Variants in NEDD9 observed in about 807,000 individuals in gnomAD.
The protein encoded by NEDD9 is neural precursor cell expressed, developmentally down-regulated 9, also known as enhancer of filamentation 1.
In NEDD9, 26 loss-of-function variants were observed where a neutral mutation model predicts 76.6. That is an observed-to-expected ratio of 0.34 (90% CI 0.25 to 0.47). The LOEUF (loss-of-function observed/expected upper bound fraction) is 0.47, where lower values mean the gene tolerates loss of function less well. NEDD9 is among the 20% of genes least tolerant of loss of function. The pLI is 1.00. For missense variants in NEDD9, 937 were observed against 1,058.5 expected (o/e 0.89, Z 1.59); for synonymous variants, 392 against 414.2 (o/e 0.95, Z 0.65).
chr6:11,244,193 A>G (rs767478491), intron 3 of NEDD9, among the ~76,000 whole-genome samples: 8 of 152,022 alleles, frequency 5.3e-5, no homozygotes, highest in Non-Finnish European at 1.0e-4. Context: ...CTGTGGGTCT[A>G]CCCTGCAGAT....
rs543228674 is a variant in NEDD9, at chr6:11,318,283, G to A, written c.-152-12128C>T. 2.6e-5 allele frequency among the ~76,000 whole-genome samples: 4 copies of A among 152,160 alleles called. No homozygotes were observed. In the East Asian group the frequency reaches 7.7e-4, roughly 29 times the overall value. On this transcript the variant is annotated intron_variant, in intron 2 of 3. Transcript: ENST00000397378. ...GAAATCACTTTCTAAATATATATGT[G>A]TATCTTATTGGTTCTGAGAACCCTG... is the stretch of plus-strand genomic sequence containing the variant.
At chr6:11,258,131 G>T (rs914049494) in intron 3 of NEDD9, among the ~76,000 whole-genome samples, 1 of 152,186 alleles carries the variant, frequency 6.6e-6, no homozygotes, top group Non-Finnish European at 1.5e-5. Context: ...CAAACAGAAG[G>T]TAGAGAAACT....
intron 1 of NEDD9, among the ~76,000 whole-genome samples, chr6:11,351,501 G>A (rs753179307): frequency 1.3e-5 from 2 of 152,162 alleles, no homozygotes; most frequent in African/African-American, 2.4e-5. Flanking sequence ...CTCTGAGGCC[G>A]GTCATCAGTC....
intron 2 of NEDD9, among the ~76,000 whole-genome samples, chr6:11,315,241 C>G (rs769312394): frequency 4.6e-5 from 7 of 152,206 alleles, no homozygotes; most frequent in Admixed American, 2.0e-4. Context: ...TGAGGGAGTC[C>G]TTCTACCACG....
chr6:11,374,637 G>A (rs1253751410), intron 1 of NEDD9, among the ~76,000 whole-genome samples: 1 of 152,162 alleles, frequency 6.6e-6, no homozygotes, highest in Non-Finnish European at 1.5e-5. Flanking sequence ...AGAAAAAGGT[G>A]AATATAAAAA....
chr6:11,297,906 C>CTT (rs1760938273), intron 3 of NEDD9, among the ~76,000 whole-genome samples: 2 of 111,488 alleles, frequency 1.8e-5, no homozygotes, highest in African/African-American at 4.0e-5. Flanking sequence ...ATTTTTTTTT[C>CTT]TTTTCTTTTT....
chr6:11,222,743 C>T (rs571063406), intron 1 of NEDD9, among the ~76,000 whole-genome samples: 4 of 152,328 alleles, frequency 2.6e-5, no homozygotes, highest in South Asian at 2.1e-4. Context: ...TGAAACTCTG[C>T]GCTTCTTAGT....
rs77504645 is a variant in NEDD9, at chr6:11,218,006, G to A, written c.13-4279C>T. Among the ~76,000 whole-genome samples, 1,238 of 152,258 alleles carry A rather than the reference G, an allele frequency of 8.1e-3. 18 individuals carry two copies. Among genetic ancestry groups the A allele is most frequent in the African/African-American group, 0.028 (1,160 of 41,544 alleles). ...TTTTTCCCATCCCTAAAGTGATCATGTTCCAAAGAGATTTGTCCTTTGCAC... is the reference window on the plus strand; with the variant it reads ...TTTTTCCCATCCCTAAAGTGATCATATTCCAAAGAGATTTGTCCTTTGCAC... On this transcript the variant is annotated intron_variant, in intron 1 of 6. Coordinates refer to ENST00000379446, the MANE Select transcript of NEDD9 (RefSeq NM_006403.4).
At chr6:11,211,190 G>A (rs1423492100) in intron 2 of NEDD9, among the ~76,000 whole-genome samples, 2 of 152,188 alleles carry the variant, frequency 1.3e-5, no homozygotes, top group Non-Finnish European at 2.9e-5. Context: ...GTGAGTGCCC[G>A]AGGGTCACCC....
At chr6:11,340,919 C>T (rs1199342109) in intron 1 of NEDD9, among the ~76,000 whole-genome samples, 1 of 152,188 alleles carries the variant, frequency 6.6e-6, no homozygotes, top group Non-Finnish European at 1.5e-5. Context: ...TTCCCACCAC[C>T]ATGCCTCTCT....
rs932151080 is a variant in NEDD9, at chr6:11,370,192, G to A, written c.-214+11947C>T. Among the ~76,000 whole-genome samples, 3 of 152,088 alleles carry A rather than the reference G, an allele frequency of 2.0e-5. No individual in the cohort carries two copies. The highest frequency in any genetic ancestry group is 2.0e-4 in the Admixed American group (3 of 15,266). On this transcript the variant is annotated intron_variant, in intron 1 of 3. Coordinates refer to the NEDD9 transcript ENST00000397378. The surrounding 1 kb of genome is among the most constrained non-coding windows in gnomAD (Gnocchi z 4.2). ...TGCTTGTGGGAACCCAAGGAGGCCAGCCCCTGAATCACAGGCCTGCTTAGA... is the reference window on the plus strand; with the variant it reads ...TGCTTGTGGGAACCCAAGGAGGCCAACCCCTGAATCACAGGCCTGCTTAGA...
chr6:11,304,784 C>T (rs1022026467), intron 3 of NEDD9, among the ~76,000 whole-genome samples: 29 of 152,136 alleles, frequency 1.9e-4, no homozygotes, highest in Non-Finnish European at 1.5e-5. Context: ...GGGTGGGGAA[C>T]CTCACACACC....
Position 11,184,909 on chromosome 6 carries a change from C to T in NEDD9, c.*253G>A, listed in dbSNP as rs1046463013. ...ATGAATACATGGGCATACAAAAGCA[C>T]GTGGACAAGTTTTCTGTACAGTTTA... On this transcript the variant is annotated 3_prime_UTR_variant, in exon 7 of 7. Coordinates refer to ENST00000379446, the MANE Select transcript of NEDD9 (RefSeq NM_006403.4). 10 of 358,686 alleles carry T rather than the reference C, an allele frequency of 2.8e-5. No homozygotes were observed. Among genetic ancestry groups the T allele is most frequent in the African/African-American group, 1.4e-4 (7 of 48,428 alleles). 22.2% of individuals were successfully genotyped at this position (358,686 alleles called of 1,614,324 possible). A position where few individuals can be genotyped will look rare whatever the true frequency, so the allele number is the denominator to read the frequency against.
intron 1 of NEDD9, among the ~76,000 whole-genome samples, chr6:11,222,274 A>C (rs1346533479): frequency 6.6e-6 from 1 of 152,206 alleles, no homozygotes; most frequent in Non-Finnish European, 1.5e-5. Flanking sequence ...AATAGGATGC[A>C]ACCCTCCCTG....
chr6:11,329,411 C>T (rs932698631), intron 2 of NEDD9, among the ~76,000 whole-genome samples: 2 of 152,190 alleles, frequency 1.3e-5, no homozygotes, highest in African/African-American at 4.8e-5. Context: ...AACCTGTCCC[C>T]CAGGACCTTT....
intron 3 of NEDD9, among the ~76,000 whole-genome samples, chr6:11,239,748 A>T (rs1759673981): frequency 1.3e-5 from 2 of 152,138 alleles, no homozygotes; most frequent in Non-Finnish European, 2.9e-5. Context: ...TTAAGTTCGT[A>T]TTAAAAAAAA....
In NEDD9 at chr6:11,190,925, T is replaced by C. The variant is rs1218005835; in HGVS notation, c.944A>G (p.Asp315Gly). 2 of 1,613,862 alleles carry C rather than the reference T, an allele frequency of 1.2e-6. No individual in the cohort carries two copies. The highest frequency in any genetic ancestry group is 1.7e-6 in the Non-Finnish European group (2 of 1,179,998). ...QLGQSVGSQNDAYDVPRGVQF... is the reference protein window; with the variant it reads ...QLGQSVGSQNGAYDVPRGVQF... ...AACGCCTCGGGGGACATCATATGCG[T>C]CGTTCTGAGAGCCCACTGACTGTCC... is the stretch of plus-strand genomic sequence containing the variant. Residue 315 changes from aspartate (D) to glycine (G), a missense_variant, in exon 5 of 7, where the codon GAC becomes GGC. Physicochemically the swap from Asp to Gly is moderately conservative, Grantham distance 94. Transcript: ENST00000379446. The surrounding 1 kb of genome is among the most constrained non-coding windows in gnomAD (Gnocchi z 5.8).
intron 5 of NEDD9, 38 bp downstream of exon 5, chr6:11,189,926 G>T: frequency 6.7e-7 from 1 of 1,502,910 alleles, no homozygotes. Flanking sequence ...CCCTGCATGT[G>T]AGTGAGTGTA....
chr6:11,229,297 C>T (rs1759396829), intron 1 of NEDD9, among the ~76,000 whole-genome samples: 1 of 152,226 alleles, frequency 6.6e-6, no homozygotes, highest in Non-Finnish European at 1.5e-5. Context: ...CACGTAAGGG[C>T]TCAGAAATTT....
Sources: gnomAD v4.1 joint callset for allele counts (sites outside exome capture counted in the v4.1 genomes callset) on GRCh38, gnomAD v4.1.1 for gene constraint, Gnocchi (gnomAD v3.1) non-coding constraint, MANE v1.5 for transcripts, NCBI Gene and HGNC (gene_info 2026-07-23, HGNC 2026-07-21) for gene names.